The following ABTB3 variants were observed in gnomAD, a reference collection of about 807,000 sequenced individuals.
ABTB3 encodes the protein ankyrin repeat and BTB domain containing 3.
At chr12:107,334,648 G>A in the ABTB3 span, among the ~76,000 whole-genome samples, 2 of 152,092 alleles carry the variant, frequency 1.3e-5, no homozygotes, top group Middle Eastern at 3.2e-3. Flanking sequence ...AGGATGGTTT[G>A]GAGATAAAAA....
chr12:107,587,569 C>T, the ABTB3 span, among the ~76,000 whole-genome samples: 4 of 152,036 alleles, frequency 2.6e-5, no homozygotes, highest in Admixed American at 6.5e-5. Flanking sequence ...GGGAGATAGA[C>T]GGTTGCACAA....
chr12:107,464,107 G>A, the ABTB3 span, among the ~76,000 whole-genome samples: 1 of 152,082 alleles, frequency 6.6e-6, no homozygotes, highest in Non-Finnish European at 1.5e-5. Flanking sequence ...GATTGGGCTG[G>A]CTGCCTTCTA....
At chr12:107,402,173 C>T in the ABTB3 span, among the ~76,000 whole-genome samples, 1 of 152,084 alleles carries the variant, frequency 6.6e-6, no homozygotes, top group Non-Finnish European at 1.5e-5. Context: ...TAGTACCAAC[C>T]CTATTTTACA....
the ABTB3 span, among the ~76,000 whole-genome samples, chr12:107,563,090 C>G: frequency 6.6e-6 from 1 of 152,206 alleles, no homozygotes; most frequent in Non-Finnish European, 1.5e-5. Context: ...CGACTCTTAA[C>G]ATAGTTTTTA....
the ABTB3 span, among the ~76,000 whole-genome samples, chr12:107,334,340 G>A: frequency 1.3e-5 from 2 of 152,134 alleles, no homozygotes; most frequent in African/African-American, 4.8e-5. Flanking sequence ...GCTAGGAAGA[G>A]GCTTCTGGCT....
At chr12:107,593,984 A>G in the ABTB3 span, among the ~76,000 whole-genome samples, 2 of 152,226 alleles carry the variant, frequency 1.3e-5, no homozygotes, top group Non-Finnish European at 2.9e-5. Flanking sequence ...TCTTTAGTTG[A>G]GCAGCCATGT....
the ABTB3 span, among the ~76,000 whole-genome samples, chr12:107,619,520 C>T: frequency 2.6e-5 from 4 of 152,174 alleles, no homozygotes; most frequent in Admixed American, 1.3e-4. Flanking sequence ...CATCTGGGCA[C>T]GGATGTGTTC....
the ABTB3 span, among the ~76,000 whole-genome samples, chr12:107,348,033 G>A: frequency 6.6e-6 from 1 of 152,014 alleles, no homozygotes. Flanking sequence ...GTTGAAAGAT[G>A]GGTTTTGAAA....
the ABTB3 span, among the ~76,000 whole-genome samples, chr12:107,335,286 CAAAAAAAAAAAAAAAAAAAAAAAA>C: frequency 2.1e-4 from 4 of 18,646 alleles, no homozygotes; most frequent in African/African-American, 3.2e-4. Context: ...GACCTTGTCT[CAAAAAAAAAAAAAAAAAAAAAAAA>C]AAAAAAAAAA....
chr12:107,349,160 T>G, the ABTB3 span, among the ~76,000 whole-genome samples: 1 of 152,204 alleles, frequency 6.6e-6, no homozygotes, highest in African/African-American at 2.4e-5. Context: ...CCTTGAGCTC[T>G]GGAGAGGTAG....
the ABTB3 span, among the ~76,000 whole-genome samples, chr12:107,634,293 C>G: frequency 6.6e-6 from 1 of 152,132 alleles, no homozygotes; most frequent in African/African-American, 2.4e-5. Flanking sequence ...GTTTTTATCA[C>G]AAAAGCAATG....
At chr12:107,525,238 G>A in the ABTB3 span, among the ~76,000 whole-genome samples, 1 of 145,096 alleles carries the variant, frequency 6.9e-6, no homozygotes, top group African/African-American at 2.5e-5. Context: ...GAAGTGGGAG[G>A]ATCGCTTGAG....
chr12:107,528,073 G>A, the ABTB3 span, among the ~76,000 whole-genome samples: 1 of 152,218 alleles, frequency 6.6e-6, no homozygotes, highest in Non-Finnish European at 1.5e-5. Context: ...TAGGAAGGCA[G>A]TGAAGGTGCT....
the ABTB3 span, among the ~76,000 whole-genome samples, chr12:107,517,084 A>G: frequency 6.6e-6 from 1 of 152,210 alleles, no homozygotes; most frequent in Non-Finnish European, 1.5e-5. Flanking sequence ...CTTTCTACAT[A>G]TAGCTAGCCA....
At chr12:107,433,246 C>A in the ABTB3 span, among the ~76,000 whole-genome samples, 1,658 of 136,840 alleles carry the variant, frequency 0.012, 42 homozygotes, top group African/African-American at 0.043. Context: ...GCCGAGATTG[C>A]GCCACTGCAG....
the ABTB3 span, among the ~76,000 whole-genome samples, chr12:107,624,324 G>T: frequency 1.3e-5 from 2 of 151,924 alleles, 1 homozygote; most frequent in South Asian, 4.2e-4. Flanking sequence ...ATAATACAGA[G>T]AGATTCCTGT....
At chr12:107,337,269 C>G in the ABTB3 span, among the ~76,000 whole-genome samples, 1 of 152,238 alleles carries the variant, frequency 6.6e-6, no homozygotes. Context: ...TGCACAGCTG[C>G]TGGCAGGCAA....
chr12:107,407,864 A>T, the ABTB3 span, among the ~76,000 whole-genome samples: 1 of 151,656 alleles, frequency 6.6e-6, no homozygotes, highest in East Asian at 1.9e-4. Flanking sequence ...GCTGTTCCAG[A>T]TTTCTCCCAT....
At chr12:107,349,164 G>C in the ABTB3 span, among the ~76,000 whole-genome samples, 1 of 152,232 alleles carries the variant, frequency 6.6e-6, no homozygotes, top group Admixed American at 6.5e-5. Flanking sequence ...GAGCTCTGGA[G>C]AGGTAGCTTC....
Sources: allele counts gnomAD v4.1 joint callset (sites outside exome capture counted in the v4.1 genomes callset), GRCh38; gene constraint gnomAD v4.1.1; transcripts MANE v1.5; gene names NCBI Gene and HGNC (gene_info 2026-07-23, HGNC 2026-07-21).